CHRNA9: variants seen among roughly 807,000 people sequenced by gnomAD.
The protein encoded by CHRNA9 is neuronal acetylcholine receptor subunit alpha-9.
CHRNA9 carries 24 observed loss-of-function variants against 36.8 expected under a neutral mutation model. That is an observed-to-expected ratio of 0.65 (90% CI 0.47 to 0.92). The LOEUF (loss-of-function observed/expected upper bound fraction) is 0.92. CHRNA9 is among the 40% of genes least tolerant of loss of function. The probability of loss-of-function intolerance (pLI) is 0.00; values close to 1 mark genes in which losing one functional copy is unlikely to be tolerated. For missense variants in CHRNA9, 610 were observed against 601.2 expected (o/e 1.01, Z -0.15); for synonymous variants, 231 against 231.8 (o/e 1.00, Z 0.03).
chr4:40,346,128 T>C (rs1428236307), intron 3 of CHRNA9, among the ~76,000 whole-genome samples: 1 of 152,144 alleles, frequency 6.6e-6, no homozygotes. Context: ...TGGCTTGGGG[T>C]TGGGTTTGGC....
Position 40,335,473 on chromosome 4 carries a change from C to G in CHRNA9, c.6C>G (p.Asn2Lys). 6.2e-7 allele frequency: 1 copy of G among 1,612,730 alleles called. No homozygotes were observed. The highest frequency in any genetic ancestry group is 8.5e-7 in the Non-Finnish European group (1 of 1,178,676). ...TATAGAGGCTCAGGAAAAAGATGAA[C>G]TGGTCCCATTCCTGCATCTCCTTTT... MNWSHSCISFCW... is the reference protein window; with the variant it reads MKWSHSCISFCW... The change falls in exon 1 of 5, where the codon AAC becomes AAG. Residue 2 changes from asparagine to lysine, a missense_variant. By Grantham distance (94) the Asn-to-Lys change is moderately conservative (BLOSUM62 0). Coordinates refer to ENST00000310169, the MANE Select transcript of CHRNA9 (RefSeq NM_017581.4).
At chr4:40,352,112 G>A (rs900032691) in intron 4 of CHRNA9, among the ~76,000 whole-genome samples, 2 of 152,126 alleles carry the variant, frequency 1.3e-5, no homozygotes, top group African/African-American at 4.8e-5. Flanking sequence ...GTAGGGGGAT[G>A]GTATTTGATT....
intron 4 of CHRNA9, among the ~76,000 whole-genome samples, chr4:40,352,957 T>G (rs1051696328): frequency 2.0e-5 from 3 of 152,208 alleles, no homozygotes; most frequent in African/African-American, 2.4e-5. Context: ...CCAAACTTTT[T>G]AATTTCGAGC....
intron 3 of CHRNA9, among the ~76,000 whole-genome samples, chr4:40,347,026 A>G (rs1712655272): frequency 6.6e-6 from 1 of 152,078 alleles, no homozygotes; most frequent in South Asian, 2.1e-4. Flanking sequence ...TCAGTCAGGC[A>G]GGTCTCGGAC....
At chr4:40,350,693 T>TACACACACACACACATAC (rs1712774427) in intron 4 of CHRNA9, among the ~76,000 whole-genome samples, 1 of 143,880 alleles carries the variant, frequency 7.0e-6, no homozygotes, top group Non-Finnish European at 1.5e-5. Flanking sequence ...CTTTGCAAAA[T>TACACACACACACACATAC]ACACACACAC....
At chr4:40,340,588 C>T (rs778780506) in intron 3 of CHRNA9, among the ~76,000 whole-genome samples, 10 of 152,122 alleles carry the variant, frequency 6.6e-5, no homozygotes, top group Non-Finnish European at 1.3e-4. Flanking sequence ...TTCTCAGAAG[C>T]AGGTACAGAA....
chr4:40,348,849 A>T lies in CHRNA9; in HGVS notation c.366-33A>T, dbSNP rs777048410. On this transcript the variant is annotated intron_variant, in intron 3 of 4. Coordinates refer to ENST00000310169, the MANE Select transcript of CHRNA9 (RefSeq NM_017581.4). ...AAGGAAGGTGGCAAGTTCTCCTAGC[A>T]TGCGGCTTTCATTTTCCTTATCTGA... The T allele has an allele frequency of 4.4e-6, 7 of 1,599,918 alleles. No individual in the cohort carries two copies. In the South Asian group the frequency reaches 6.7e-5, roughly 15 times the overall value.
intron 4 of CHRNA9, among the ~76,000 whole-genome samples, chr4:40,350,329 G>A (rs1238912809): frequency 6.6e-6 from 1 of 152,114 alleles, no homozygotes; most frequent in African/African-American, 2.4e-5. Flanking sequence ...CCAAGGGTTG[G>A]AGTGCAGACT....
rs927235967 is a variant in CHRNA9 at position 40,338,592 on chromosome 4, A to G, written c.365+1228A>G. Among the ~76,000 whole-genome samples, 4 of 152,080 alleles carry G rather than the reference A, an allele frequency of 2.6e-5. 1 individual carries two copies. The highest frequency in any genetic ancestry group is 6.5e-5 in the Admixed American group (1 of 15,278). On this transcript the variant is annotated intron_variant, in intron 3 of 4. Coordinates refer to ENST00000310169, the MANE Select transcript of CHRNA9 (RefSeq NM_017581.4). The stretch of plus-strand genomic sequence containing the variant: ...CCCTGGGTGGAGGCTTCCAGTGGGC[A>G]TGGATTTCCTTTAAGGAAGCAGCAC...
chr4:40,350,722 A>ACACACACACACACACC (rs1215274776), intron 4 of CHRNA9, among the ~76,000 whole-genome samples: 53 of 151,474 alleles, frequency 3.5e-4, no homozygotes, highest in African/African-American at 1.3e-3. Flanking sequence ...ACACACACAC[A>ACACACACACACACACC]CACACCTCTC....
chr4:40,346,650 G>A (rs181796453), intron 3 of CHRNA9, among the ~76,000 whole-genome samples: 3 of 152,170 alleles, frequency 2.0e-5, no homozygotes, highest in East Asian at 3.9e-4. Context: ...TTATCTTCGC[G>A]AACACTCACA....
chr4:40,347,798 G>A (rs1344925957), intron 3 of CHRNA9: 1 of 152,134 alleles, frequency 6.6e-6, no homozygotes, highest in African/African-American at 2.4e-5. Flanking sequence ...ATCCAATCCA[G>A]AATACCACAT....
intron 3 of CHRNA9, chr4:40,348,046 G>A (rs915444012): frequency 6.6e-6 from 1 of 152,244 alleles, no homozygotes; most frequent in African/African-American, 2.4e-5. Flanking sequence ...CTGCTCTAGT[G>A]TTCAAGGCAG....
intron 3 of CHRNA9, among the ~76,000 whole-genome samples, chr4:40,341,636 T>A (rs987572252): frequency 1.3e-5 from 2 of 152,166 alleles, no homozygotes; most frequent in Non-Finnish European, 1.5e-5. Context: ...CCCCAGAAGA[T>A]TTTGTAACTG....
chr4:40,341,804 G>C (rs1376275957), intron 3 of CHRNA9, among the ~76,000 whole-genome samples: 1 of 152,160 alleles, frequency 6.6e-6, no homozygotes, highest in African/African-American at 2.4e-5. Flanking sequence ...CAAGAACGTG[G>C]ACGACCTGTA....
At chr4:40,339,279 C>CAAAAAAAAAAAA (rs61634062) in intron 3 of CHRNA9, among the ~76,000 whole-genome samples, 3 of 71,162 alleles carry the variant, frequency 4.2e-5, no homozygotes, top group Non-Finnish European at 7.5e-5. Flanking sequence ...GACTCCATCT[C>CAAAAAAAAAAAA]AAAAAAAAAA....
Position 40,349,083 on chromosome 4 carries a change from G to C in CHRNA9, c.567G>C (p.Leu189Phe), listed in dbSNP as rs1477492391. 2 of 1,614,018 alleles carry C rather than the reference G, an allele frequency of 1.2e-6. No homozygotes were observed. Among genetic ancestry groups the C allele is most frequent in the Non-Finnish European group, 1.7e-6 (2 of 1,180,026 alleles). Residue 189 changes from leucine to phenylalanine, a missense_variant, in exon 4 of 5, where the codon TTG becomes TTC. Transcript: ENST00000310169. ...NGNQVDIFNA[L>F]DSGDLSDFIE... ...ATCAGGTGGACATATTCAACGCCTT[G>C]GACAGCGGAGATCTCTCTGACTTCA...
At chr4:40,336,663 G>T (rs1382902030) in intron 2 of CHRNA9, among the ~76,000 whole-genome samples, 4 of 151,814 alleles carry the variant, frequency 2.6e-5, no homozygotes, top group Non-Finnish European at 4.4e-5. Context: ...TGTATTTTTA[G>T]TAGAGACAGG....
rs765123033 is a variant in CHRNA9, at chr4:40,354,056, T to C, written c.976T>C (p.Cys326Arg). 6.2e-7 allele frequency: 1 copy of C among 1,614,232 alleles called. No individual in the cohort carries two copies. Among genetic ancestry groups the C allele is most frequent in the Non-Finnish European group, 8.5e-7 (1 of 1,180,026 alleles). Residue 326 changes from cysteine to arginine, a missense_variant, in exon 5 of 5, where the codon TGT becomes CGT. Physicochemically the swap from Cys to Arg is radical, Grantham distance 180 (BLOSUM62 -3). Transcript: ENST00000310169. ...CATCATGGTGATGAATATCCACTTC[T>C]GTGGGGCCGAGGCCCGGCCGGTGCC... Reference protein sequence around the residue: ...LTIMVMNIHFCGAEARPVPHW... With the variant: ...LTIMVMNIHFRGAEARPVPHW...
Sources: allele counts gnomAD v4.1 joint callset (sites outside exome capture counted in the v4.1 genomes callset), GRCh38; gene constraint gnomAD v4.1.1; transcripts MANE v1.5; gene names NCBI Gene and HGNC (gene_info 2026-07-23, HGNC 2026-07-21).